The following UTS2 variants were observed in gnomAD, a reference collection of about 807,000 sequenced individuals.
The protein encoded by UTS2 is urotensin-2.
In UTS2, 10 loss-of-function variants were observed where a neutral mutation model predicts 12.6. That is an observed-to-expected ratio of 0.80 (90% confidence interval 0.49 to 1.35). The LOEUF is 1.35. Ranked by LOEUF, UTS2 falls within the 40% of genes most tolerant of loss-of-function variation. The pLI is 0.00. For synonymous variants in UTS2, 52 were observed against 50.0 expected (o/e 1.04, Z -0.17); for missense variants, 142 against 143.2 (o/e 0.99, Z 0.04).
At chr1:7,911,731 G>A in the UTS2 span, among the ~76,000 whole-genome samples, 13 of 151,994 alleles carry the variant, frequency 8.6e-5, no homozygotes, top group East Asian at 1.9e-4. Flanking sequence ...GCGAAACCCC[G>A]TCTCTACTAA....
chr1:7,848,186 G>A (rs707474), intron 3 of UTS2, among the ~76,000 whole-genome samples: 57,823 of 151,874 alleles, frequency 0.38, 11,807 homozygotes, highest in African/African-American at 0.52. Context: ...GGTGGCTCAT[G>A]CCTATAATCC....
chr1:7,850,331 G>A (rs170629), intron 2 of UTS2, among the ~76,000 whole-genome samples: 41,431 of 151,882 alleles, frequency 0.27, 6,998 homozygotes, highest in South Asian at 0.43. Flanking sequence ...GGGGAATGTG[G>A]CCACGGGGGA....
the UTS2 span, among the ~76,000 whole-genome samples, chr1:7,904,563 T>C: frequency 6.6e-6 from 1 of 152,102 alleles, no homozygotes; most frequent in Non-Finnish European, 1.5e-5. Context: ...TTATTGCTGT[T>C]TATTACTTAA....
At chr1:7,912,646 G>A in the UTS2 span, among the ~76,000 whole-genome samples, 1 of 152,100 alleles carries the variant, frequency 6.6e-6, no homozygotes, top group Non-Finnish European at 1.5e-5. Context: ...AGTAGAGACG[G>A]TGTTTCACCA....
the UTS2 span, among the ~76,000 whole-genome samples, chr1:7,902,188 CTA>C: frequency 1.2e-4 from 1 of 8,474 alleles, no homozygotes; most frequent in Non-Finnish European, 2.0e-4. Context: ...GGGCTCCAGG[CTA>C]TCTCTGCCCC....
chr1:7,900,564 G>T, the UTS2 span, among the ~76,000 whole-genome samples: 1 of 152,016 alleles, frequency 6.6e-6, no homozygotes, highest in East Asian at 1.9e-4. Flanking sequence ...ATTACCTGAG[G>T]TCAGGAGTTC....
chr1:7,854,211 GCA>G (rs1638249017), upstream of UTS2, among the ~76,000 whole-genome samples: 1 of 152,056 alleles, frequency 6.6e-6, no homozygotes, highest in Non-Finnish European at 1.5e-5. Flanking sequence ...AGGCATGGTG[GCA>G]CGTGCCTGTA....
chr1:7,892,469 G>GTTTTTTTTTTTTTTTTTTTTTTTTTTTTT, the UTS2 span, among the ~76,000 whole-genome samples: 1 of 77,752 alleles, frequency 1.3e-5, no homozygotes. Context: ...CCTCATGCAT[G>GTTTTTTTTTTTTTTTTTTTTTTTTTTTTT]TTTTTTTTTT....
the UTS2 span, among the ~76,000 whole-genome samples, chr1:7,861,398 G>T: frequency 6.6e-6 from 1 of 151,944 alleles, no homozygotes; most frequent in Non-Finnish European, 1.5e-5. Context: ...GTTGGGGTGG[G>T]TTCAAGAAAC....
At chr1:7,880,659 A>G in the UTS2 span, among the ~76,000 whole-genome samples, 6 of 152,212 alleles carry the variant, frequency 3.9e-5, no homozygotes, top group Non-Finnish European at 7.3e-5. Context: ...AATGAGATTG[A>G]ATCAGTAATA....
chr1:7,880,604 T>C, the UTS2 span, among the ~76,000 whole-genome samples: 13 of 152,126 alleles, frequency 8.5e-5, no homozygotes, highest in Admixed American at 5.9e-4. Flanking sequence ...ACCATCAAGA[T>C]TGAACCAGGA....
chr1:7,901,328 C>G, the UTS2 span, among the ~76,000 whole-genome samples: 1 of 152,080 alleles, frequency 6.6e-6, no homozygotes, highest in Non-Finnish European at 1.5e-5. Flanking sequence ...GAAATACACA[C>G]TGGGATTTGT....
At chr1:7,892,412 G>A in the UTS2 span, among the ~76,000 whole-genome samples, 3 of 150,186 alleles carry the variant, frequency 2.0e-5, no homozygotes, top group African/African-American at 7.4e-5. Flanking sequence ...TGCAAAGCTT[G>A]CGATACAGCA....
At chr1:7,906,655 T>C in the UTS2 span, among the ~76,000 whole-genome samples, 1 of 151,884 alleles carries the variant, frequency 6.6e-6, no homozygotes, top group East Asian at 1.9e-4. Flanking sequence ...CAGAAAACTA[T>C]AGAGAGATAT....
At chr1:7,855,077 C>T (rs993877099), upstream of UTS2, among the ~76,000 whole-genome samples, 10 of 152,002 alleles carry the variant, frequency 6.6e-5, no homozygotes, top group African/African-American at 2.4e-4. Flanking sequence ...AGGAGAATTG[C>T]TTGAACCTGG....
the UTS2 span, among the ~76,000 whole-genome samples, chr1:7,889,488 AG>A: frequency 1.5e-5 from 2 of 137,498 alleles, no homozygotes; most frequent in Admixed American, 1.4e-4. Flanking sequence ...AGAAAAGAAA[AG>A]AAAGTAGAAT....
chr1:7,879,305 A>G, the UTS2 span, among the ~76,000 whole-genome samples: 1 of 152,202 alleles, frequency 6.6e-6, no homozygotes, highest in Non-Finnish European at 1.5e-5. Flanking sequence ...AATCATATCA[A>G]GTATCTTCTC....
chr1:7,863,970 G>T, the UTS2 span, among the ~76,000 whole-genome samples: 3,128 of 152,310 alleles, frequency 0.021, 91 homozygotes, highest in African/African-American at 0.071. Context: ...CCCCGGGGGG[G>T]TCTGCCCGGG....
chr1:7,879,479 G>A, the UTS2 span, among the ~76,000 whole-genome samples: 3 of 152,130 alleles, frequency 2.0e-5, no homozygotes, highest in Non-Finnish European at 4.4e-5. Context: ...GATGGCTCAC[G>A]CCTGTAATCC....
Sources: gnomAD v4.1 joint callset for allele counts (sites outside exome capture counted in the v4.1 genomes callset) on GRCh38, gnomAD v4.1.1 for gene constraint, MANE v1.5 for transcripts, NCBI Gene and HGNC (gene_info 2026-07-23, HGNC 2026-07-21) for gene names.